TLL1: variants seen among roughly 807,000 people sequenced by gnomAD.
TLL1 encodes tolloid-like protein 1.
In TLL1, 49 loss-of-function variants were observed where a neutral mutation model predicts 128.2. The ratio of observed to expected loss-of-function variants is 0.38; its 90% CI spans 0.30 to 0.48. TLL1 has a LOEUF of 0.48. Ranked by LOEUF, TLL1 falls within the 20% of genes least tolerant of loss-of-function variation. The probability of loss-of-function intolerance (pLI) is 0.96; values close to 1 mark genes in which losing one functional copy is unlikely to be tolerated. For missense variants in TLL1, 1,123 were observed against 1,242.0 expected (o/e 0.90, Z 1.44); for synonymous variants, 454 against 418.8 (o/e 1.08, Z -1.03).
intron 6 of TLL1, 108 bp downstream of exon 6, chr4:166,003,677 T>C: frequency 8.9e-7 from 1 of 1,124,906 alleles, no homozygotes. Context: ...ATATTTTTGA[T>C]ATGATAGAGT....
intron 9 of TLL1, among the ~76,000 whole-genome samples, chr4:166,037,431 C>T (rs956975092): frequency 2.6e-5 from 4 of 151,842 alleles, no homozygotes; most frequent in Admixed American, 6.6e-5. Context: ...AAAGTGGAAC[C>T]TTACAATGAG....
chr4:166,019,766 C>A (rs1444696520), intron 8 of TLL1, among the ~76,000 whole-genome samples: 2 of 152,018 alleles, frequency 1.3e-5, no homozygotes, highest in Admixed American at 6.6e-5. Flanking sequence ...AAAATGTATA[C>A]ATTTTAATTT....
At chr4:165,898,544 A>G (rs922359451) in intron 1 of TLL1, among the ~76,000 whole-genome samples, 12 of 152,092 alleles carry the variant, frequency 7.9e-5, no homozygotes, top group African/African-American at 2.4e-4. Flanking sequence ...ATTGATTTGC[A>G]TATGTTGAAC....
In TLL1 at chr4:166,025,377, C is replaced by T. The variant is rs1387090519; in HGVS notation, c.1104C>T (p.Gly368=). The T allele has an allele frequency of 1.9e-6, 3 of 1,613,840 alleles. No homozygotes were observed. Among genetic ancestry groups the T allele is most frequent in the Non-Finnish European group, 2.5e-6 (3 of 1,179,918 alleles). ...GNLSSPGFPN[G]YPSYTHCIWR... ...TTTCCTCTCCAGGATTTCCCAATGG[C>T]TACCCTTCTTACACACACTGCATCT... Residue 368 remains glycine (G), a synonymous_variant, in exon 9 of 21, where the codon GGC becomes GGT. Coordinates refer to ENST00000061240, the MANE Select transcript of TLL1 (RefSeq NM_012464.5).
chr4:165,975,708 C>T (rs1735843974), intron 1 of TLL1, among the ~76,000 whole-genome samples: 1 of 152,042 alleles, frequency 6.6e-6, no homozygotes, highest in Non-Finnish European at 1.5e-5. Context: ...TTAGCTAAAA[C>T]CATAGTCAAT....
intron 1 of TLL1, among the ~76,000 whole-genome samples, chr4:165,920,746 T>C (rs1356268413): frequency 1.3e-5 from 2 of 152,202 alleles, no homozygotes; most frequent in Non-Finnish European, 2.9e-5. Flanking sequence ...ATAAGTTATA[T>C]GGTAATGGTG....
At chr4:166,049,077 G>T (rs750156713) in intron 12 of TLL1, among the ~76,000 whole-genome samples, 5 of 152,176 alleles carry the variant, frequency 3.3e-5, no homozygotes, top group Non-Finnish European at 7.3e-5. Flanking sequence ...TTTTCTGCTT[G>T]CCATGTACTG....
chr4:166,039,492 C>A, intron 10 of TLL1, 51 bp downstream of exon 10: 2 of 1,331,032 alleles, frequency 1.5e-6, no homozygotes, highest in Non-Finnish European at 2.2e-6. Flanking sequence ...CTGTCCCGTC[C>A]AAAAAAACCA....
At chr4:166,070,983 G>A (rs1298383676) in intron 16 of TLL1, among the ~76,000 whole-genome samples, 2 of 151,882 alleles carry the variant, frequency 1.3e-5, no homozygotes, top group Non-Finnish European at 2.9e-5. Context: ...TTTATAGAAA[G>A]AGAAAATTGT....
At chr4:166,071,440 CAGAAAATA>C (rs1276147130) in intron 16 of TLL1, among the ~76,000 whole-genome samples, 4 of 151,896 alleles carry the variant, frequency 2.6e-5, no homozygotes, top group African/African-American at 9.7e-5. Context: ...TTTCCTTCTG[CAGAAAATA>C]AATGCTTTTA....
chr4:165,922,265 T>C (rs1308817202), intron 1 of TLL1, among the ~76,000 whole-genome samples: 2 of 152,206 alleles, frequency 1.3e-5, no homozygotes, highest in African/African-American at 4.8e-5. Flanking sequence ...TTTGAAACTA[T>C]TGAAACTTAT....
intron 2 of TLL1, among the ~76,000 whole-genome samples, chr4:165,990,259 CTCTT>C (rs1481185952): frequency 1.3e-5 from 2 of 151,756 alleles, no homozygotes; most frequent in East Asian, 1.9e-4. Flanking sequence ...AAGTTAAAAT[CTCTT>C]TCTCTAATTA....
At chr4:165,993,978 G>A (rs1736753244) in intron 3 of TLL1, among the ~76,000 whole-genome samples, 1 of 152,114 alleles carries the variant, frequency 6.6e-6, no homozygotes, top group South Asian at 2.1e-4. Flanking sequence ...TAGGAAACTA[G>A]CAGGAGTAAC....
chr4:165,905,924 C>A (rs542067436), intron 1 of TLL1, among the ~76,000 whole-genome samples: 2 of 152,178 alleles, frequency 1.3e-5, no homozygotes, highest in South Asian at 2.1e-4. Flanking sequence ...AGGCAGATAC[C>A]ATCATTACGT....
chr4:165,966,876 G>C (rs1406921386), intron 1 of TLL1, among the ~76,000 whole-genome samples: 1 of 152,138 alleles, frequency 6.6e-6, no homozygotes, highest in Admixed American at 6.5e-5. Flanking sequence ...CATTATCATT[G>C]TTAAGATCTT....
At chr4:165,998,560 G>A (rs935765589) in intron 5 of TLL1, among the ~76,000 whole-genome samples, 2 of 151,970 alleles carry the variant, frequency 1.3e-5, no homozygotes, top group Admixed American at 6.6e-5. Flanking sequence ...TTGGGAGGCC[G>A]AGGCGGGCGG....
intron 1 of TLL1, among the ~76,000 whole-genome samples, chr4:165,901,671 G>A (rs970152929): frequency 6.6e-6 from 1 of 152,174 alleles, no homozygotes; most frequent in Non-Finnish European, 1.5e-5. Flanking sequence ...CCTGTATGAG[G>A]TGTCTGTTGA....
chr4:165,996,437 T>C (rs1736878471), intron 5 of TLL1, among the ~76,000 whole-genome samples: 1 of 152,010 alleles, frequency 6.6e-6, no homozygotes, highest in South Asian at 2.1e-4. Context: ...GGTGAAACCC[T>C]GTCTCTACTA....
rs3756017 is a variant in TLL1 at position 166,059,892 on chromosome 4, G to A, written c.1847-136G>A. 0.36 allele frequency: 367,291 copies of A among 1,013,868 alleles called. 70,625 individuals carry two copies. The highest frequency in any genetic ancestry group is 0.63 in the African/African-American group (39,727 of 63,230). The allele number at this position is 1,013,868 out of a possible 1,614,324, so 62.8% of individuals were successfully genotyped here. A position where few individuals can be genotyped will look rare whatever the true frequency, so the allele number is the denominator to read the frequency against. ...GTATCAAGACTAAGGAGCAGAGACT[G>A]CCATTTCTGGATTTTAAAATCCAGA... On this transcript the variant is annotated intron_variant, in intron 14 of 20. Transcript: ENST00000061240.
Sources: gnomAD v4.1 joint callset for allele counts (sites outside exome capture counted in the v4.1 genomes callset) on GRCh38, gnomAD v4.1.1 for gene constraint, MANE v1.5 for transcripts, NCBI Gene and HGNC (gene_info 2026-07-23, HGNC 2026-07-21) for gene names.